Variants in JARID2 observed in about 807,000 individuals in gnomAD.
The protein encoded by JARID2 is protein Jumonji.
Under a neutral mutation model 125.6 loss-of-function variants are expected in JARID2, and 21 were observed. The observed-to-expected ratio is 0.17, with a 90% CI of 0.12 to 0.24. The LOEUF (loss-of-function observed/expected upper bound fraction) is 0.24, where lower values mean the gene tolerates loss of function less well. JARID2 is among the 10% of genes least tolerant of loss of function. The pLI is 1.00. For missense variants in JARID2, 1,303 were observed against 1,639.6 expected (o/e 0.79, Z 3.55); for synonymous variants, 736 against 661.6 (o/e 1.11, Z -1.73).
intron 16 of JARID2, among the ~76,000 whole-genome samples, chr6:15,515,612 T>TA (rs1326821037): frequency 5.3e-5 from 8 of 151,656 alleles, no homozygotes; most frequent in African/African-American, 1.7e-4. Context: ...AGAGGGAGAC[T>TA]AATCTCTACA....
At chr6:15,312,147 C>A (rs1023072631) in intron 1 of JARID2, among the ~76,000 whole-genome samples, 18 of 152,130 alleles carry the variant, frequency 1.2e-4, no homozygotes, top group African/African-American at 4.3e-4. Flanking sequence ...CCTTCACCTC[C>A]CAGGTTCAAG....
chr6:15,370,913 T>A (rs1002140458), intron 1 of JARID2, among the ~76,000 whole-genome samples: 10 of 152,234 alleles, frequency 6.6e-5, no homozygotes, highest in African/African-American at 2.4e-4. Flanking sequence ...GTCTATCTCT[T>A]GTGAACAGCA....
At chr6:15,413,313 G>A (rs1349974633) in intron 3 of JARID2, among the ~76,000 whole-genome samples, 1 of 152,114 alleles carries the variant, frequency 6.6e-6, no homozygotes, top group African/African-American at 2.4e-5. Context: ...GTGCCCGGCA[G>A]GGAAGAGCTT....
At chr6:15,416,576 C>CTT (rs1766227153) in intron 3 of JARID2, among the ~76,000 whole-genome samples, 1 of 152,166 alleles carries the variant, frequency 6.6e-6, no homozygotes, top group African/African-American at 2.4e-5. Context: ...CAATGGCAGG[C>CTT]ACTCGGCAGG....
rs943347861 is a variant in JARID2, at chr6:15,370,542, C to T, written c.46-3575C>T. On this transcript the variant is annotated intron_variant, in intron 1 of 17. Transcript: ENST00000341776. ...TCTTTTAGTAGAGACAGGGTTTCAC[C>T]GTGTTAGCCAGGATGGTCTCGATCT... is the stretch of plus-strand genomic sequence containing the variant. Among the ~76,000 whole-genome samples, 8 of 151,858 alleles carry T rather than the reference C, an allele frequency of 5.3e-5. No individual in the cohort carries two copies. In the South Asian group the frequency reaches 6.2e-4, roughly 12 times the overall value.
chr6:15,473,049 C>CGTAG (rs3841759), intron 5 of JARID2, among the ~76,000 whole-genome samples: 1 of 151,828 alleles, frequency 6.6e-6, no homozygotes, highest in Non-Finnish European at 1.5e-5. Context: ...TGTGAATACC[C>CGTAG]GTGTTAGGAA....
At chr6:15,327,494 C>T (rs1209366821) in intron 1 of JARID2, among the ~76,000 whole-genome samples, 2 of 152,090 alleles carry the variant, frequency 1.3e-5, no homozygotes, top group East Asian at 3.9e-4. Flanking sequence ...GTGAGTGATA[C>T]TGCATTCAGC....
intron 6 of JARID2, among the ~76,000 whole-genome samples, chr6:15,492,263 C>T (rs1770185972): frequency 6.6e-6 from 1 of 152,244 alleles, no homozygotes. Context: ...AGCTGCTCAG[C>T]TGAAATGTAT....
intron 2 of JARID2, among the ~76,000 whole-genome samples, chr6:15,407,770 T>C (rs1765710538): frequency 6.6e-6 from 1 of 152,222 alleles, no homozygotes; most frequent in Non-Finnish European, 1.5e-5. Context: ...TCACATTCTT[T>C]TCTTCACTTA....
intron 4 of JARID2, among the ~76,000 whole-genome samples, chr6:15,457,601 CTTTTT>C (rs35659046): frequency 2.4e-5 from 3 of 127,128 alleles, no homozygotes; most frequent in Non-Finnish European, 5.1e-5. Context: ...GGATCCAGGT[CTTTTT>C]TTTTTTTTTT....
At position 15,520,200 on chromosome 6, in the gene JARID2, C is replaced by T; in HGVS notation, c.3690C>T (p.Pro1230=). The T allele has an allele frequency of 1.9e-6, 3 of 1,613,614 alleles. No individual in the cohort carries two copies. The highest frequency in any genetic ancestry group is 1.7e-6 in the Non-Finnish European group (2 of 1,179,800). ...PRKRATVDVP[P]SRLSASSSSK... ...AGAGAGCGACAGTGGACGTGCCCCC[C>T]TCCCGTCTGTCAGCCTCCAGTTCAT... Residue 1230 remains proline, a synonymous_variant, in exon 18 of 18, where the codon CCC becomes CCT. Transcript: ENST00000341776.
chr6:15,469,955 G>A (rs1297783960), intron 5 of JARID2, among the ~76,000 whole-genome samples: 1 of 152,086 alleles, frequency 6.6e-6, no homozygotes, highest in East Asian at 1.9e-4. Context: ...GAGGTGGGCA[G>A]ATCACGAGGT....
intron 3 of JARID2, among the ~76,000 whole-genome samples, chr6:15,416,836 T>C (rs1581532563): frequency 2.0e-5 from 3 of 152,244 alleles, no homozygotes; most frequent in African/African-American, 7.2e-5. Flanking sequence ...TTTCTCATTT[T>C]GCCCTTTTAT....
chr6:15,344,748 GA>G (rs769402428), intron 1 of JARID2, among the ~76,000 whole-genome samples: 3 of 152,040 alleles, frequency 2.0e-5, no homozygotes, highest in Non-Finnish European at 4.4e-5. Flanking sequence ...TTACTTGTAT[GA>G]AGTTTTCTGT....
At position 15,446,070 on chromosome 6, in the gene JARID2, C is replaced by G. The variant is rs1767659914; in HGVS notation, c.324-5936C>G. On this transcript the variant is annotated intron_variant, in intron 3 of 17. Coordinates refer to ENST00000341776, the MANE Select transcript of JARID2 (RefSeq NM_004973.4). ...CAAACATGCACCAATCTCCCTTTTC[C>G]TCTGAGTTGCCATTCAGTCTGCCCC... Among the ~76,000 whole-genome samples the G allele has an allele frequency of 2.6e-5, 4 of 152,174 alleles. No individual in the cohort carries two copies. In the South Asian group the frequency reaches 8.3e-4, roughly 32 times the overall value.
chr6:15,448,288 A>G (rs1581578742), intron 3 of JARID2, among the ~76,000 whole-genome samples: 1 of 152,192 alleles, frequency 6.6e-6, no homozygotes, highest in Admixed American at 6.5e-5. Flanking sequence ...TTAGGCACCA[A>G]GCACCTTTTA....
At chr6:15,278,826 T>A (rs561563071) in intron 1 of JARID2, among the ~76,000 whole-genome samples, 1 of 152,152 alleles carries the variant, frequency 6.6e-6, no homozygotes, top group African/African-American at 2.4e-5. Context: ...CCCAGCACTT[T>A]GAGAGGCTGA....
At chr6:15,379,832 G>T (rs757515150) in intron 2 of JARID2, among the ~76,000 whole-genome samples, 2 of 152,146 alleles carry the variant, frequency 1.3e-5, no homozygotes, top group Non-Finnish European at 2.9e-5. Context: ...GAGGATATAA[G>T]ACCAGGCCTT....
At chr6:15,421,011 C>T (rs1766462489) in intron 3 of JARID2, among the ~76,000 whole-genome samples, 1 of 152,160 alleles carries the variant, frequency 6.6e-6, no homozygotes, top group African/African-American at 2.4e-5. Flanking sequence ...ATGAGGAGCG[C>T]CTTTGGCAGA....
Sources: allele counts gnomAD v4.1 joint callset (sites outside exome capture counted in the v4.1 genomes callset), GRCh38; gene constraint gnomAD v4.1.1; transcripts MANE v1.5; gene names NCBI Gene and HGNC (gene_info 2026-07-23, HGNC 2026-07-21).